The following ARHGAP29 variants were observed in gnomAD, a reference collection of about 807,000 sequenced individuals.
ARHGAP29 encodes Rho GTPase activating protein 29, also known as rho GTPase-activating protein 29.
Under a neutral mutation model 122.6 loss-of-function variants are expected in ARHGAP29, and 43 were observed. That is an observed-to-expected ratio of 0.35 (90% confidence interval 0.27 to 0.45). The LOEUF (loss-of-function observed/expected upper bound fraction) is 0.45, where lower values mean the gene tolerates loss of function less well. Ranked by LOEUF, ARHGAP29 falls within the 20% of genes least tolerant of loss-of-function variation. ARHGAP29 has a pLI of 1.00. For synonymous variants in ARHGAP29, 506 were observed against 497.1 expected (o/e 1.02, Z -0.24); for missense variants, 1,303 against 1,477.2 (o/e 0.88, Z 1.93).
chr1:94,211,211 C>T (rs1330036383), intron 3 of ARHGAP29, among the ~76,000 whole-genome samples: 2 of 132,040 alleles, frequency 1.5e-5, no homozygotes, highest in Non-Finnish European at 3.1e-5. Context: ...CACTTGAACC[C>T]AGGAGGCAGA....
the ARHGAP29 span, among the ~76,000 whole-genome samples, chr1:94,313,862 A>C: frequency 6.6e-6 from 1 of 152,146 alleles, no homozygotes; most frequent in Non-Finnish European, 1.5e-5. Flanking sequence ...ATTCTCAACA[A>C]ACTACCACAA....
At chr1:94,303,352 C>T in the ARHGAP29 span, among the ~76,000 whole-genome samples, 2 of 152,020 alleles carry the variant, frequency 1.3e-5, no homozygotes, top group Non-Finnish European at 2.9e-5. Context: ...TGTGAAATGC[C>T]CAGAGAAGTG....
chr1:94,226,100 A>C (rs1652595897), intron 2 of ARHGAP29, among the ~76,000 whole-genome samples: 1 of 152,036 alleles, frequency 6.6e-6, no homozygotes, highest in Admixed American at 6.6e-5. Context: ...TTTCATTAAA[A>C]AAAAAACTGA....
rs181239194 is a variant in ARHGAP29 at position 94,230,200 on chromosome 1, T to C, written c.205+1207A>G. Among the ~76,000 whole-genome samples, 20 of 151,850 alleles carry C rather than the reference T, an allele frequency of 1.3e-4. No individual in the cohort carries two copies. The East Asian group carries it at 2.1e-3, about 16-fold the overall frequency. On this transcript the variant is annotated intron_variant, in intron 2 of 22. Coordinates refer to ENST00000260526, the MANE Select transcript of ARHGAP29 (RefSeq NM_004815.4). ...TTGTTATTACAAAGCTATGTTTCTT[T>C]AAATAAATGGCAAATTTATCATTTT...
At chr1:94,190,183 A>G in intron 12 of ARHGAP29, 100 bp from the exon 13 acceptor site, 3 of 1,243,490 alleles carry the variant, frequency 2.4e-6, no homozygotes, top group Non-Finnish European at 3.4e-6. Flanking sequence ...AATGCCATAC[A>G]GTGAAGCATA....
chr1:94,290,907 G>A, the ARHGAP29 span, among the ~76,000 whole-genome samples: 2 of 152,144 alleles, frequency 1.3e-5, no homozygotes, highest in Non-Finnish European at 2.9e-5. Context: ...TGCTGATTTG[G>A]GGTGGAGAGT....
At chr1:94,289,685 A>G in the ARHGAP29 span, among the ~76,000 whole-genome samples, 1 of 152,196 alleles carries the variant, frequency 6.6e-6, no homozygotes, top group Non-Finnish European at 1.5e-5. Context: ...TAGTTTATTG[A>G]GAGTTTTCAG....
At chr1:94,222,948 A>ATT (rs11370745) in intron 2 of ARHGAP29, among the ~76,000 whole-genome samples, 3,858 of 148,438 alleles carry the variant, frequency 0.026, 99 homozygotes, top group East Asian at 0.098. Context: ...CATAAACATA[A>ATT]TTTTTTTTTT....
At chr1:94,312,355 G>GTTTTTTTTTTTTT in the ARHGAP29 span, among the ~76,000 whole-genome samples, 5 of 88,806 alleles carry the variant, frequency 5.6e-5, no homozygotes, top group Admixed American at 1.2e-4. Context: ...ATTTTTATTT[G>GTTTTTTTTTTTTT]TTTTTTTTTT....
At chr1:94,267,490 G>T in intron 1 of ARHGAP29, among the ~76,000 whole-genome samples, 1 of 152,098 alleles carries the variant, frequency 6.6e-6, no homozygotes, top group Non-Finnish European at 1.5e-5. Context: ...TGAGGTCACT[G>T]TATGAAATAA....
rs1016215748 is a variant in ARHGAP29 at position 94,173,532 on chromosome 1, A to G, written c.*337T>C. On this transcript the variant is annotated 3_prime_UTR_variant, in exon 23 of 23. Transcript: ENST00000260526. ...AACCTGATTTTCCCAAATTGCACCT[A>G]TTAGTTGAGACTATATCATATATTA... 4 of 189,226 alleles carry G rather than the reference A, an allele frequency of 2.1e-5. No homozygotes were observed. The highest frequency in any genetic ancestry group is 9.4e-5 in the African/African-American group (4 of 42,634). 11.7% of individuals were successfully genotyped at this position (189,226 alleles called of 1,614,324 possible).
intron 2 of ARHGAP29, among the ~76,000 whole-genome samples, chr1:94,227,029 A>G (rs1281166059): frequency 6.6e-6 from 1 of 151,932 alleles, no homozygotes; most frequent in African/African-American, 2.4e-5. Context: ...TGGGAAAAGA[A>G]CTGAGTTAAT....
the ARHGAP29 span, among the ~76,000 whole-genome samples, chr1:94,300,946 T>C: frequency 6.6e-6 from 1 of 152,192 alleles, no homozygotes; most frequent in African/African-American, 2.4e-5. Context: ...AATCAGACCT[T>C]GGACACACTA....
At chr1:94,287,489 C>T in the ARHGAP29 span, among the ~76,000 whole-genome samples, 3 of 151,812 alleles carry the variant, frequency 2.0e-5, no homozygotes, top group Non-Finnish European at 4.4e-5. Flanking sequence ...TCAATTAAAC[C>T]TCTTTTACTA....
At chr1:94,282,632 T>C in the ARHGAP29 span, among the ~76,000 whole-genome samples, 1 of 151,784 alleles carries the variant, frequency 6.6e-6, no homozygotes, top group African/African-American at 2.4e-5. Flanking sequence ...GGAAGAGAAG[T>C]AAAAAAGGAG....
At chr1:94,298,094 A>T in the ARHGAP29 span, among the ~76,000 whole-genome samples, 1 of 152,192 alleles carries the variant, frequency 6.6e-6, no homozygotes, top group Non-Finnish European at 1.5e-5. Context: ...TTCAGCGGCA[A>T]ATATTGATAC....
In ARHGAP29 at chr1:94,185,360, T is replaced by C. The variant is rs767960926; in HGVS notation, c.1902A>G (p.Gln634=). 5.0e-6 allele frequency: 8 copies of C among 1,609,542 alleles called. No individual in the cohort carries two copies. In the African/African-American group the frequency reaches 5.3e-5, roughly 11 times the overall value. The change falls in exon 17 of 23, where the codon CAA becomes CAG. Residue 634 remains glutamine (Q), a synonymous_variant. Transcript: ENST00000260526. Reference sequence around the variant, plus strand: ...ATCTTACCTCTTCACATTCAACACCTTGGAACACTACAATGCCTTCACAAT... The same window carrying C: ...ATCTTACCTCTTCACATTCAACACCCTGGAACACTACAATGCCTTCACAAT... ...CRDCEGIVVF[Q]GVECEECLLV...
chr1:94,287,952 G>C, the ARHGAP29 span, among the ~76,000 whole-genome samples: 1 of 152,032 alleles, frequency 6.6e-6, no homozygotes, highest in Non-Finnish European at 1.5e-5. Context: ...GAATAGTCCC[G>C]CAATAAACAT....
chr1:94,303,819 A>G, the ARHGAP29 span, among the ~76,000 whole-genome samples: 1 of 152,228 alleles, frequency 6.6e-6, no homozygotes, highest in Non-Finnish European at 1.5e-5. Flanking sequence ...ACTCAAACCC[A>G]CTGCTTAAGT....
Sources: gnomAD v4.1 joint callset for allele counts (sites outside exome capture counted in the v4.1 genomes callset) on GRCh38, gnomAD v4.1.1 for gene constraint, MANE v1.5 for transcripts, NCBI Gene and HGNC (gene_info 2026-07-23, HGNC 2026-07-21) for gene names.